The following LATS2 variants were observed in gnomAD, a reference collection of about 807,000 sequenced individuals.
The protein encoded by LATS2 is large tumor suppressor kinase 2.
A neutral mutation model predicts 76.0 loss-of-function variants in LATS2; 24 were observed. The observed-to-expected ratio is 0.32, with a 90% confidence interval of 0.23 to 0.44. The LOEUF (loss-of-function observed/expected upper bound fraction) is 0.44, where lower values mean the gene tolerates loss of function less well. Ranked by LOEUF, LATS2 falls within the 20% of genes least tolerant of loss-of-function variation. LATS2 has a pLI of 1.00. For synonymous variants in LATS2, 692 were observed against 635.4 expected, an observed-to-expected ratio of 1.09 and a Z score of -1.34; for missense variants, 1,286 against 1,481.2, an observed-to-expected ratio of 0.87 and a Z score of 2.16.
intron 2 of LATS2, among the ~76,000 whole-genome samples, chr13:20,994,634 C>T (rs1870665737): frequency 6.6e-6 from 1 of 152,144 alleles, no homozygotes; most frequent in Non-Finnish European, 1.5e-5. Flanking sequence ...GTGGCTCATG[C>T]CTATAATCCC....
intron 4 of LATS2, among the ~76,000 whole-genome samples, chr13:20,987,190 G>A (rs549460400): frequency 2.0e-5 from 3 of 150,508 alleles, no homozygotes; most frequent in East Asian, 4.0e-4. Context: ...GCAAGACTCC[G>A]TCTAAAAATA....
chr13:20,997,591 C>T (rs897072296), intron 2 of LATS2, among the ~76,000 whole-genome samples: 2 of 152,200 alleles, frequency 1.3e-5, no homozygotes, highest in Non-Finnish European at 2.9e-5. Context: ...TCTGCTGTCC[C>T]TCGGGGAAGC....
At chr13:20,994,260 A>G (rs950648586) in intron 2 of LATS2, among the ~76,000 whole-genome samples, 10 of 152,212 alleles carry the variant, frequency 6.6e-5, no homozygotes, top group African/African-American at 2.4e-4. Flanking sequence ...TAAACCCTTC[A>G]AATAACCCAT....
Position 20,988,379 on chromosome 13 carries a change from G to C in LATS2, c.1401C>G (p.Pro467=), listed in dbSNP as rs982467103. 13 of 1,332,842 alleles carry C rather than the reference G, an allele frequency of 9.8e-6. No individual in the cohort carries two copies. In the African/African-American group the frequency reaches 2.0e-4, roughly 21 times the overall value. The allele number at this position is 1,332,842 out of a possible 1,614,324, so 82.6% of individuals were successfully genotyped here. A position where few individuals can be genotyped will look rare whatever the true frequency, so the allele number is the denominator to read the frequency against. Residue 467 remains proline (P), a synonymous_variant, in exon 4 of 8, where the codon CCC becomes CCG. Coordinates refer to ENST00000382592, the MANE Select transcript of LATS2 (RefSeq NM_014572.3). The part of the protein sequence containing the change: ...AVGPSHPAWV[P]APAPAPAPAP... ...CGGGGGCGGGGGCCGGGGCAGGCGC[G>C]GGCACCCAGGCGGGGTGCGAGGGCC...
chr13:21,057,558 T>C (rs367902164), intron 1 of LATS2, among the ~76,000 whole-genome samples: 1 of 152,186 alleles, frequency 6.6e-6, no homozygotes, highest in Non-Finnish European at 1.5e-5. Flanking sequence ...GGCTCATGCC[T>C]GTAGGCGGGT....
intron 2 of LATS2, among the ~76,000 whole-genome samples, chr13:21,029,181 C>G (rs1332126404): frequency 6.6e-6 from 1 of 152,134 alleles, no homozygotes; most frequent in African/African-American, 2.4e-5. Flanking sequence ...GGTTTTTCAC[C>G]ATTACATGTT....
At chr13:21,057,457 A>T (rs1873482523) in intron 1 of LATS2, among the ~76,000 whole-genome samples, 2 of 152,236 alleles carry the variant, frequency 1.3e-5, no homozygotes. Flanking sequence ...TAATTTTAAC[A>T]TCATAACCAA....
chr13:21,052,543 G>T (rs756594539), intron 1 of LATS2, among the ~76,000 whole-genome samples: 2 of 152,032 alleles, frequency 1.3e-5, no homozygotes, highest in African/African-American at 4.8e-5. Context: ...CAGAGATGGG[G>T]GTTTCACCCT....
chr13:21,014,686 A>G (rs1477113910), intron 2 of LATS2, among the ~76,000 whole-genome samples: 2 of 152,234 alleles, frequency 1.3e-5, no homozygotes, highest in African/African-American at 2.4e-5. Flanking sequence ...CACTGCTGCC[A>G]TCAGCCTGAA....
At chr13:20,976,121 G>A (rs1013758229) in intron 7 of LATS2, among the ~76,000 whole-genome samples, 1 of 149,576 alleles carries the variant, frequency 6.7e-6, no homozygotes, top group Non-Finnish European at 1.5e-5. Context: ...CCATCTGGAC[G>A]TTCAGTAAAT....
In LATS2 at chr13:20,977,844, C is replaced by T. The variant is rs999044893; in HGVS notation, c.2772+1847G>A. 5.9e-5 allele frequency among the ~76,000 whole-genome samples: 9 copies of T among 152,038 alleles called. No homozygotes were observed. The East Asian group carries it at 7.7e-4, about 13-fold the overall frequency. ...GAGTAGCTCAGCCATTCAATTAGGG[C>T]GCAGATAATGCCAGATTCCAATTTT... On this transcript the variant is annotated intron_variant, in intron 7 of 7. Transcript: ENST00000382592.
intron 7 of LATS2, among the ~76,000 whole-genome samples, chr13:20,977,965 G>C (rs547687289): frequency 2.6e-5 from 4 of 152,048 alleles, no homozygotes; most frequent in Admixed American, 2.6e-4. Context: ...ATCCAGGTTG[G>C]AGTGCAGTGG....
chr13:21,057,515 A>C (rs1375778412), intron 1 of LATS2, among the ~76,000 whole-genome samples: 2 of 152,240 alleles, frequency 1.3e-5, no homozygotes, highest in Admixed American at 1.3e-4. Context: ...TTTCAAAATA[A>C]AACTAATAAT....
Position 20,979,910 on chromosome 13 carries a change from G to A in LATS2, c.2666-113C>T, listed in dbSNP as rs1016279173. 1.4e-5 allele frequency: 9 copies of A among 622,688 alleles called. No individual in the cohort carries two copies. In the African/African-American group the frequency reaches 1.6e-4, roughly 11 times the overall value. The allele number at this position is 622,688 out of a possible 1,614,324, so 38.6% of individuals were successfully genotyped here. A position where few individuals can be genotyped will look rare whatever the true frequency, so the allele number is the denominator to read the frequency against. The stretch of plus-strand genomic sequence containing the variant: ...CTGTTAAGTGGGAAAGCGCGTTGAA[G>A]CATCGCACTGTGCGCAAGATGGACC... On this transcript the variant is annotated intron_variant, in intron 6 of 7. Transcript: ENST00000382592.
chr13:21,019,314 T>C (rs1292591097), intron 2 of LATS2, among the ~76,000 whole-genome samples: 1 of 138,030 alleles, frequency 7.2e-6, no homozygotes, highest in Middle Eastern at 3.3e-3. Context: ...ATTATTATTA[T>C]TATTATTATT....
intron 2 of LATS2, among the ~76,000 whole-genome samples, chr13:21,012,523 C>T (rs995143641): frequency 1.3e-5 from 2 of 152,206 alleles, no homozygotes; most frequent in Admixed American, 6.5e-5. Context: ...CATCGTTATG[C>T]GGCACTTGAC....
chr13:21,039,217 C>T (rs1042085535), intron 2 of LATS2, among the ~76,000 whole-genome samples: 15 of 152,218 alleles, frequency 9.9e-5, no homozygotes, highest in East Asian at 1.9e-4. Flanking sequence ...GTTACATGAC[C>T]GACATTCCTA....
intron 1 of LATS2, among the ~76,000 whole-genome samples, chr13:21,053,918 A>T (rs895568122): frequency 1.3e-5 from 2 of 152,208 alleles, no homozygotes; most frequent in African/African-American, 4.8e-5. Context: ...AAAGGGGAAC[A>T]GGGAATTTTT....
At position 20,988,484 on chromosome 13, in the gene LATS2, C is replaced by G. The variant is rs1870302345; in HGVS notation, c.1296G>C (p.Val432=). Reference sequence around the variant, plus strand: ...AGATGTGCGCGGCCGTGACAGCCGTCACGGTGTTGGGGGCGGGCAGGGAGG... The same window carrying G: ...AGATGTGCGCGGCCGTGACAGCCGTGACGGTGTTGGGGGCGGGCAGGGAGG... The part of the protein sequence containing the change: ...AEPSLPAPNT[V]TAVTAAHILH... Residue 432 remains valine, a synonymous_variant, in exon 4 of 8, where the codon GTG becomes GTC. Transcript: ENST00000382592. 6.5e-7 allele frequency: 1 copy of G among 1,546,350 alleles called. No individual in the cohort carries two copies. Among genetic ancestry groups the G allele is most frequent in the East Asian group, 2.4e-5 (1 of 42,406 alleles).
Sources: allele counts gnomAD v4.1 joint callset (sites outside exome capture counted in the v4.1 genomes callset), GRCh38; gene constraint gnomAD v4.1.1; transcripts MANE v1.5; gene names NCBI Gene and HGNC (gene_info 2026-07-23, HGNC 2026-07-21).